PTPRD: variants seen among roughly 807,000 people sequenced by gnomAD.
PTPRD encodes protein tyrosine phosphatase receptor type D, also known as receptor-type tyrosine-protein phosphatase delta.
A neutral mutation model predicts 214.5 loss-of-function variants in PTPRD; 34 were observed. The ratio of observed to expected loss-of-function variants is 0.16; its 90% CI spans 0.12 to 0.21. PTPRD has a LOEUF of 0.21. PTPRD is among the 10% of genes least tolerant of loss of function. The pLI is 1.00. For missense variants in PTPRD, 2,545 were observed against 2,398.7 expected (o/e 1.06, Z -1.27); for synonymous variants, 1,128 against 845.7 (o/e 1.33, Z -5.79).
intron 8 of PTPRD, among the ~76,000 whole-genome samples, chr9:9,400,521 C>A (rs1283132104): frequency 2.7e-5 from 4 of 150,676 alleles, no homozygotes; most frequent in Non-Finnish European, 4.4e-5. Context: ...TTTATCTAAC[C>A]AAAAAAAAAG....
chr9:8,340,294 C>G (rs761304909), intron 42 of PTPRD, 49 bp downstream of exon 42: 1 of 1,512,294 alleles, frequency 6.6e-7, no homozygotes, highest in South Asian at 1.3e-5. Flanking sequence ...CTTCATTTCT[C>G]CACAGAGTAA....
intron 3 of PTPRD, among the ~76,000 whole-genome samples, chr9:10,089,856 C>T (rs1323066520): frequency 6.6e-6 from 1 of 151,654 alleles, no homozygotes; most frequent in Non-Finnish European, 1.5e-5. Flanking sequence ...GTAGAACCAT[C>T]AGACACCTGA....
chr9:9,537,236 T>C (rs1158432631), intron 8 of PTPRD, among the ~76,000 whole-genome samples: 1 of 151,974 alleles, frequency 6.6e-6, no homozygotes, highest in Non-Finnish European at 1.5e-5. Context: ...AAGATTCTTT[T>C]CATTTTTTTT....
chr9:9,851,926 G>T (rs901688509), intron 5 of PTPRD, among the ~76,000 whole-genome samples: 8 of 152,134 alleles, frequency 5.3e-5, no homozygotes, highest in Non-Finnish European at 1.0e-4. Context: ...CAAAGTCTAT[G>T]AGCTATTTAT....
At chr9:9,647,958 T>C (rs142632041) in intron 7 of PTPRD, among the ~76,000 whole-genome samples, 24 of 152,312 alleles carry the variant, frequency 1.6e-4, no homozygotes, top group Middle Eastern at 3.4e-3. Context: ...CTTTCTTTTG[T>C]TGAAGCACAA....
intron 3 of PTPRD, among the ~76,000 whole-genome samples, chr9:10,181,254 A>C (rs62537313): frequency 6.6e-6 from 1 of 152,020 alleles, no homozygotes; most frequent in Admixed American, 6.6e-5. Flanking sequence ...AAAATGTAAG[A>C]TATCATTTGC....
In PTPRD at chr9:9,959,119, GAATA is replaced by G. The variant is rs145041476; in HGVS notation, c.-471-20513_-471-20510del. ...CAACCAAGATGTTCAACAGATGAAT[GAATA>G]AACAAATTGTAGTATATCTATATAA... On this transcript the variant is annotated intron_variant, in intron 4 of 45. Coordinates refer to ENST00000381196, the MANE Select transcript of PTPRD (RefSeq NM_002839.4). Among the ~76,000 whole-genome samples, 467 of 152,156 alleles carry G rather than the reference GAATA, an allele frequency of 3.1e-3. 3 individuals are homozygous for G. Among genetic ancestry groups the G allele is most frequent in the African/African-American group, 0.01 (425 of 41,528 alleles).
At chr9:8,386,536 A>T (rs767269200) in intron 37 of PTPRD, among the ~76,000 whole-genome samples, 5 of 152,168 alleles carry the variant, frequency 3.3e-5, no homozygotes, top group Non-Finnish European at 5.9e-5. Flanking sequence ...TGTTTACGTT[A>T]CCTGGACTAC....
At chr9:9,584,381 T>TTATTATTATTATTATTA (rs2091515058) in intron 7 of PTPRD, among the ~76,000 whole-genome samples, 6 of 91,416 alleles carry the variant, frequency 6.6e-5, no homozygotes, top group African/African-American at 2.7e-4. Context: ...TATTATTATT[T>TTATTATTATTATTATTA]GCTATGCTAC....
chr9:9,964,555 T>A (rs1170194398), intron 4 of PTPRD, among the ~76,000 whole-genome samples: 1 of 152,170 alleles, frequency 6.6e-6, no homozygotes, highest in East Asian at 1.9e-4. Flanking sequence ...CGGGAGGAAA[T>A]CCTCTTGACG....
At chr9:9,636,681 G>A (rs950912600) in intron 7 of PTPRD, among the ~76,000 whole-genome samples, 1 of 152,154 alleles carries the variant, frequency 6.6e-6, no homozygotes, top group Non-Finnish European at 1.5e-5. Flanking sequence ...ACCAGCTTGT[G>A]GATGACCCAA....
intron 2 of PTPRD, among the ~76,000 whole-genome samples, chr9:10,365,691 A>G (rs1405702219): frequency 5.3e-5 from 8 of 152,162 alleles, no homozygotes; most frequent in African/African-American, 1.9e-4. Flanking sequence ...AATAAATAAA[A>G]ACAAACCATT....
At chr9:9,143,934 G>C (rs1314686570) in intron 10 of PTPRD, among the ~76,000 whole-genome samples, 2 of 152,172 alleles carry the variant, frequency 1.3e-5, no homozygotes, top group African/African-American at 4.8e-5. Context: ...TTTCTCATGT[G>C]ATCATTCATC....
At position 8,494,945 on chromosome 9, in the gene PTPRD, T is replaced by C. The variant is rs4492437; in HGVS notation, c.2350-1966A>G. Among the ~76,000 whole-genome samples, 350 of 152,278 alleles carry C rather than the reference T, an allele frequency of 2.3e-3. 2 individuals carry two copies. The highest frequency in any genetic ancestry group is 0.014 in the Middle Eastern group (4 of 294). On this transcript the variant is annotated intron_variant, in intron 26 of 45. Transcript: ENST00000381196. ...TCCTCATTCTCTTTGTTTCCTCCTG[T>C]CCTGTCTCCACTTTGCTTCTTGTCC... is the stretch of plus-strand genomic sequence containing the variant.
At chr9:10,510,920 T>C (rs938287704) in intron 2 of PTPRD, among the ~76,000 whole-genome samples, 2 of 152,144 alleles carry the variant, frequency 1.3e-5, no homozygotes, top group Admixed American at 6.5e-5. Flanking sequence ...GATGAATACT[T>C]TTAGTTCCCA....
chr9:9,336,128 A>T (rs1029679595), intron 9 of PTPRD, among the ~76,000 whole-genome samples: 1 of 151,228 alleles, frequency 6.6e-6, no homozygotes, highest in African/African-American at 2.5e-5. Flanking sequence ...GAGAAATGCA[A>T]AGATATAAGC....
chr9:9,650,540 G>T (rs1357387108), intron 7 of PTPRD, among the ~76,000 whole-genome samples: 1 of 151,944 alleles, frequency 6.6e-6, no homozygotes. Context: ...TGTATCTTTG[G>T]CAGGTTTTGG....
intron 11 of PTPRD, among the ~76,000 whole-genome samples, chr9:8,916,381 C>G (rs2098786011): frequency 6.6e-6 from 1 of 152,098 alleles, no homozygotes; most frequent in Non-Finnish European, 1.5e-5. Context: ...ATCTGAAAAT[C>G]ACAGTCAGAA....
chr9:8,754,354 A>C (rs2093797082), intron 11 of PTPRD, among the ~76,000 whole-genome samples: 1 of 152,208 alleles, frequency 6.6e-6, no homozygotes, highest in African/African-American at 2.4e-5. Flanking sequence ...AGTTACCAAG[A>C]CTTATTATAA....
Sources: gnomAD v4.1 joint callset for allele counts (sites outside exome capture counted in the v4.1 genomes callset) on GRCh38, gnomAD v4.1.1 for gene constraint, MANE v1.5 for transcripts, NCBI Gene and HGNC (gene_info 2026-07-23, HGNC 2026-07-21) for gene names.